Variants in TMEM132D observed in about 807,000 individuals in gnomAD.
TMEM132D encodes the protein mature OL transmembrane protein.
In TMEM132D, 21 loss-of-function variants were observed where a neutral mutation model predicts 62.3. The ratio of observed to expected loss-of-function variants is 0.34; its 90% CI spans 0.24 to 0.49. TMEM132D has a LOEUF of 0.49. Among genes scored for constraint, TMEM132D ranks in the 20% least tolerant of loss-of-function variants. The pLI is 0.99. For synonymous variants in TMEM132D, 621 were observed against 575.6 expected, an observed-to-expected ratio of 1.08 and a Z score of -1.13; for missense variants, 1,346 against 1,402.8, an observed-to-expected ratio of 0.96 and a Z score of 0.65.
chr12:129,465,109 A>C (rs1037059294), intron 3 of TMEM132D, among the ~76,000 whole-genome samples: 1 of 152,066 alleles, frequency 6.6e-6, no homozygotes, highest in African/African-American at 2.4e-5. Context: ...ATGAGCATGG[A>C]ATGTTCTTCC....
At chr12:129,651,439 C>A (rs762174715) in intron 2 of TMEM132D, among the ~76,000 whole-genome samples, 1 of 152,036 alleles carries the variant, frequency 6.6e-6, no homozygotes, top group African/African-American at 2.4e-5. Context: ...CTCTCCAATG[C>A]GGGAATGGAG....
intron 4 of TMEM132D, among the ~76,000 whole-genome samples, chr12:129,309,494 A>G (rs189916034): frequency 1.5e-4 from 23 of 152,288 alleles, no homozygotes; most frequent in Non-Finnish European, 3.1e-4. Context: ...TAAAATCCTT[A>G]GGAATAAAGG....
intron 3 of TMEM132D, among the ~76,000 whole-genome samples, chr12:129,404,988 G>A (rs559343287): frequency 1.1e-3 from 175 of 152,254 alleles, no homozygotes; most frequent in African/African-American, 4.1e-3. Context: ...AACTGACTGC[G>A]GGACCACAGG....
intron 4 of TMEM132D, among the ~76,000 whole-genome samples, chr12:129,244,307 G>A (rs7978286): frequency 0.25 from 36,265 of 146,732 alleles, 4,605 homozygotes; most frequent in African/African-American, 0.27. Flanking sequence ...AATGGCGTGA[G>A]CCCGGGAGGC....
In TMEM132D at chr12:129,111,927, A is replaced by T. The variant is rs151166761; in HGVS notation, c.1444-27225T>A. On this transcript the variant is annotated intron_variant, in intron 5 of 8. Coordinates refer to ENST00000422113, the MANE Select transcript of TMEM132D (RefSeq NM_133448.3). ...CATCCCTGGTGGCACGGAGGTCTTG[A>T]CCAGCAGTCAGGGGTCCCTTGGCAC... Among the ~76,000 whole-genome samples, 649 of 152,156 alleles carry T rather than the reference A, an allele frequency of 4.3e-3. 34 individuals carry two copies. The highest frequency in any genetic ancestry group is 0.032 in the Admixed American group (490 of 15,278).
chr12:129,197,463 C>T (rs1400654510), intron 5 of TMEM132D, among the ~76,000 whole-genome samples: 4 of 152,174 alleles, frequency 2.6e-5, no homozygotes, highest in Non-Finnish European at 5.9e-5. Context: ...TTCAATGGAG[C>T]AGAACAGAGA....
chr12:129,670,284 G>C (rs1470991480), intron 2 of TMEM132D, among the ~76,000 whole-genome samples: 1 of 152,166 alleles, frequency 6.6e-6, no homozygotes, highest in Non-Finnish European at 1.5e-5. Context: ...CTTCTTGCCT[G>C]AGGACTCAAT....
chr12:129,486,441 C>T (rs940028659), intron 3 of TMEM132D, among the ~76,000 whole-genome samples: 1 of 152,140 alleles, frequency 6.6e-6, no homozygotes, highest in African/African-American at 2.4e-5. Context: ...GTGTTTACCA[C>T]TTATTCTCCT....
intron 5 of TMEM132D, among the ~76,000 whole-genome samples, chr12:129,150,596 C>A (rs80135598): frequency 5.9e-5 from 9 of 152,204 alleles, no homozygotes; most frequent in Non-Finnish European, 4.4e-5. Flanking sequence ...AGAGGCCACC[C>A]AGGTGACCAG....
chr12:129,768,601 CT>C (rs1300160858), intron 1 of TMEM132D, among the ~76,000 whole-genome samples: 24 of 152,006 alleles, frequency 1.6e-4, no homozygotes, highest in Admixed American at 1.2e-3. Context: ...TGGAACGGGG[CT>C]GAGTTATACA....
Position 129,624,267 on chromosome 12 carries a change from A to G in TMEM132D, c.968+75543T>C, listed in dbSNP as rs930170021. Reference sequence around the variant, plus strand: ...CATCTCCATGTCTTTTAGGAGTCCAATGCAAAAGCTTCTCTTTAAGAATGA... The same window carrying G: ...CATCTCCATGTCTTTTAGGAGTCCAGTGCAAAAGCTTCTCTTTAAGAATGA... On this transcript the variant is annotated intron_variant, in intron 2 of 8. Coordinates refer to ENST00000422113, the MANE Select transcript of TMEM132D (RefSeq NM_133448.3). Among the ~76,000 whole-genome samples the G allele has an allele frequency of 7.2e-5, 11 of 152,332 alleles. No individual in the cohort carries two copies. The South Asian group carries it at 8.3e-4, about 11-fold the overall frequency.
intron 7 of TMEM132D, 76 bp downstream of exon 7, chr12:129,081,683 T>C (rs977295956): frequency 7.4e-6 from 11 of 1,496,440 alleles, no homozygotes; most frequent in Non-Finnish European, 9.8e-6. Flanking sequence ...GACAAACAGC[T>C]GGTTTCTCCT....
intron 1 of TMEM132D, among the ~76,000 whole-genome samples, chr12:129,703,172 A>G (rs1449887538): frequency 6.6e-6 from 1 of 152,240 alleles, no homozygotes; most frequent in African/African-American, 2.4e-5. Flanking sequence ...TGTTAATGCC[A>G]GACACCAAGG....
intron 2 of TMEM132D, among the ~76,000 whole-genome samples, chr12:129,585,697 T>C (rs1186164573): frequency 6.6e-6 from 1 of 152,166 alleles, no homozygotes; most frequent in African/African-American, 2.4e-5. Context: ...GGATTTCAAA[T>C]TGGCCATTTT....
At chr12:129,427,917 T>G (rs1364096931) in intron 3 of TMEM132D, among the ~76,000 whole-genome samples, 2 of 152,120 alleles carry the variant, frequency 1.3e-5, no homozygotes, top group East Asian at 3.9e-4. Flanking sequence ...CCGAAACACC[T>G]TATCTTATCT....
intron 2 of TMEM132D, among the ~76,000 whole-genome samples, chr12:129,573,362 T>G (rs1877572250): frequency 6.6e-6 from 1 of 152,176 alleles, no homozygotes; most frequent in African/African-American, 2.4e-5. Flanking sequence ...GGAGGCTTGA[T>G]GCATCCATTG....
chr12:129,633,966 C>A (rs1374303945), intron 2 of TMEM132D, among the ~76,000 whole-genome samples: 1 of 152,184 alleles, frequency 6.6e-6, no homozygotes, highest in African/African-American at 2.4e-5. Flanking sequence ...AAAAGAACAA[C>A]ACCTTCTCCC....
intron 2 of TMEM132D, among the ~76,000 whole-genome samples, chr12:129,668,511 G>GA (rs1373306215): frequency 4.6e-5 from 7 of 151,664 alleles, no homozygotes; most frequent in African/African-American, 1.7e-4. Context: ...TGGAATAGAG[G>GA]AAAAAAACAA....
At chr12:129,361,592 A>G (rs747165148) in intron 3 of TMEM132D, among the ~76,000 whole-genome samples, 18 of 152,322 alleles carry the variant, frequency 1.2e-4, no homozygotes, top group Middle Eastern at 3.4e-3. Flanking sequence ...ATCTCTTCCC[A>G]CTTAGTATTT....
Sources: gnomAD v4.1 joint callset for allele counts (sites outside exome capture counted in the v4.1 genomes callset) on GRCh38, gnomAD v4.1.1 for gene constraint, MANE v1.5 for transcripts, NCBI Gene and HGNC (gene_info 2026-07-23, HGNC 2026-07-21) for gene names.